Variants in CEP63 observed in about 807,000 individuals in gnomAD.
The protein encoded by CEP63 is centrosomal protein 63, also known as centrosomal protein of 63 kDa.
In CEP63, 84 loss-of-function variants were observed where a neutral mutation model predicts 89.1. That is an observed-to-expected ratio of 0.94 (90% CI 0.79 to 1.13). The LOEUF is 1.13. Ranked by LOEUF, CEP63 falls within the 50% of genes most tolerant of loss-of-function variation. CEP63 has a pLI of 0.00. For missense variants in CEP63, 838 were observed against 813.3 expected (o/e 1.03, Z -0.37); for synonymous variants, 267 against 272.5 (o/e 0.98, Z 0.20).
At chr3:134,595,766 T>C in the CEP63 span, among the ~76,000 whole-genome samples, 1 of 152,216 alleles carries the variant, frequency 6.6e-6, no homozygotes, top group Non-Finnish European at 1.5e-5. Flanking sequence ...GGATACCACT[T>C]CGTGGTGCTT....
the CEP63 span, chr3:134,619,275 A>G: frequency 1.2e-6 from 2 of 1,601,014 alleles, no homozygotes; most frequent in Non-Finnish European, 1.7e-6. Flanking sequence ...TCTATAGGGC[A>G]GGTGAGGGGA....
At chr3:134,644,069 C>G in the CEP63 span, among the ~76,000 whole-genome samples, 1 of 152,156 alleles carries the variant, frequency 6.6e-6, no homozygotes, top group African/African-American at 2.4e-5. Context: ...TTGTGATTCA[C>G]CCGCCTCAGC....
chr3:134,678,236 T>G, the CEP63 span, among the ~76,000 whole-genome samples: 1 of 152,214 alleles, frequency 6.6e-6, no homozygotes, highest in East Asian at 1.9e-4. Flanking sequence ...CCTCCGCTCC[T>G]TCCTGACACA....
the CEP63 span, among the ~76,000 whole-genome samples, chr3:134,703,864 A>T: frequency 1.3e-5 from 2 of 152,204 alleles, no homozygotes; most frequent in Non-Finnish European, 2.9e-5. Context: ...TTGTGGCAGA[A>T]GTATTTGCCT....
intron 6 of CEP63, among the ~76,000 whole-genome samples, chr3:134,543,081 G>C (rs1048886010): frequency 6.6e-6 from 1 of 152,128 alleles, no homozygotes; most frequent in Non-Finnish European, 1.5e-5. Flanking sequence ...CTTGAGATTA[G>C]TGTAGTGCTA....
the CEP63 span, among the ~76,000 whole-genome samples, chr3:134,621,400 A>G: frequency 6.6e-5 from 10 of 152,268 alleles, no homozygotes; most frequent in Admixed American, 1.3e-4. Context: ...CTGAGAGTCC[A>G]GAAATGGACC....
chr3:134,542,941 A>C (rs990529831), intron 6 of CEP63, among the ~76,000 whole-genome samples: 1 of 72 alleles, frequency 0.014, no homozygotes, highest in African/African-American at 0.022. Flanking sequence ...TGGTTAGTGC[A>C]AAAAAAAAAA....
At chr3:134,772,298 C>T in the CEP63 span, among the ~76,000 whole-genome samples, 1 of 152,156 alleles carries the variant, frequency 6.6e-6, no homozygotes, top group African/African-American at 2.4e-5. Context: ...GCTGGATTCT[C>T]TTGCTAGACT....
At chr3:134,569,028 T>C (rs959137083), downstream of CEP63, among the ~76,000 whole-genome samples, 5 of 152,152 alleles carry the variant, frequency 3.3e-5, no homozygotes, top group East Asian at 1.9e-4. Flanking sequence ...ACTCCCCTTT[T>C]TAAACCATCA....
intron 3 of CEP63, among the ~76,000 whole-genome samples, chr3:134,524,962 G>A (rs1418037040): frequency 6.6e-6 from 1 of 152,138 alleles, no homozygotes; most frequent in Non-Finnish European, 1.5e-5. Context: ...AATGGTACCA[G>A]CTCTTCTTTC....
chr3:134,609,897 C>T, the CEP63 span, among the ~76,000 whole-genome samples: 3 of 152,188 alleles, frequency 2.0e-5, no homozygotes, highest in African/African-American at 4.8e-5. Context: ...GCTATTAGCC[C>T]ACCTTTCCTC....
intron 6 of CEP63, among the ~76,000 whole-genome samples, chr3:134,541,432 A>T (rs1459135695): frequency 6.6e-6 from 1 of 151,736 alleles, no homozygotes; most frequent in Non-Finnish European, 1.5e-5. Context: ...TATATAATTT[A>T]CTGACTATTA....
At chr3:134,541,395 G>A (rs191958679) in intron 6 of CEP63, among the ~76,000 whole-genome samples, 22 of 151,580 alleles carry the variant, frequency 1.5e-4, no homozygotes, top group Non-Finnish European at 2.6e-4. Context: ...GTATTTGATA[G>A]GAATCTAAAT....
the CEP63 span, among the ~76,000 whole-genome samples, chr3:134,644,250 G>A: frequency 1.3e-5 from 2 of 152,206 alleles, no homozygotes; most frequent in African/African-American, 4.8e-5. Context: ...CGCTACACAC[G>A]TTCTCTCCAC....
chr3:134,591,362 A>T (rs1466346645), downstream of CEP63, among the ~76,000 whole-genome samples: 7 of 152,166 alleles, frequency 4.6e-5, no homozygotes, highest in Admixed American at 6.5e-5. Context: ...GTTTTCATTC[A>T]CTGCTCTGTG....
intron 11 of CEP63, among the ~76,000 whole-genome samples, chr3:134,571,637 T>C (rs6439491): frequency 0.66 from 100,615 of 151,350 alleles, 33,807 homozygotes; most frequent in East Asian, 0.82. Flanking sequence ...GCTGAGATCG[T>C]GCCACTGCAC....
chr3:134,718,640 T>A, the CEP63 span, among the ~76,000 whole-genome samples: 1 of 152,368 alleles, frequency 6.6e-6, no homozygotes, highest in African/African-American at 2.4e-5. Flanking sequence ...TTCTTCATTT[T>A]AAACTCACCA....
chr3:134,738,357 A>C, the CEP63 span, among the ~76,000 whole-genome samples: 1 of 151,894 alleles, frequency 6.6e-6, no homozygotes, highest in Non-Finnish European at 1.5e-5. Context: ...GCAATCGTGA[A>C]TTGTGCTGGT....
the CEP63 span, among the ~76,000 whole-genome samples, chr3:134,679,101 G>A: frequency 6.6e-6 from 1 of 151,444 alleles, no homozygotes; most frequent in Admixed American, 6.8e-5. Context: ...TTGGAGGATG[G>A]TAGTTTACTC....
Sources: allele counts gnomAD v4.1 joint callset (sites outside exome capture counted in the v4.1 genomes callset), GRCh38; gene constraint gnomAD v4.1.1; transcripts MANE v1.5; gene names NCBI Gene and HGNC (gene_info 2026-07-23, HGNC 2026-07-21).